UBAP2L: variants seen among roughly 807,000 people sequenced by gnomAD.
UBAP2L encodes ubiquitin associated protein 2 like.
In UBAP2L, 12 loss-of-function variants were observed where a neutral mutation model predicts 130.6. The ratio of observed to expected loss-of-function variants is 0.09; its 90% CI spans 0.06 to 0.15. The LOEUF (loss-of-function observed/expected upper bound fraction) is 0.15. Ranked by LOEUF, UBAP2L falls within the 10% of genes least tolerant of loss-of-function variation. The pLI is 1.00. For missense variants in UBAP2L, 965 were observed against 1,332.5 expected, an observed-to-expected ratio of 0.72 and a Z score of 4.29; for synonymous variants, 503 against 524.7, an observed-to-expected ratio of 0.96 and a Z score of 0.57.
In UBAP2L at chr1:154,227,254, G is replaced by A. The variant is rs1418980289; in HGVS notation, c.91-28G>A. ...CTCTAAACTGTTGCCTCATGATTAT[G>A]CTTTCTTGATCTCATCTCAATTCCT... On this transcript the variant is annotated intron_variant, in intron 2 of 26. Coordinates refer to ENST00000428931, the MANE Select transcript of UBAP2L (RefSeq NM_014847.4). 4 of 1,596,986 alleles carry A rather than the reference G, an allele frequency of 2.5e-6. No homozygotes were observed. In the South Asian group the frequency reaches 3.3e-5, roughly 13 times the overall value.
intron 4 of UBAP2L, 38 bp from the exon 5 acceptor site, chr1:154,234,553 C>G (rs192836388): frequency 4.3e-6 from 7 of 1,609,308 alleles, no homozygotes. Flanking sequence ...TGATAGCACT[C>G]CATATTGATT....
intron 4 of UBAP2L, among the ~76,000 whole-genome samples, chr1:154,234,364 AAAAT>A (rs1421187476): frequency 6.6e-6 from 1 of 152,006 alleles, no homozygotes; most frequent in Non-Finnish European, 1.5e-5. Context: ...CTCTGTCTCA[AAAAT>A]AAATAAATAA....
chr1:154,249,544 G>A (rs907602220), intron 12 of UBAP2L, 107 bp downstream of exon 12: 5 of 1,365,630 alleles, frequency 3.7e-6, no homozygotes, highest in Admixed American at 2.1e-5. Context: ...AAGAAAAGGG[G>A]CAGCTAGTTG....
intron 8 of UBAP2L, among the ~76,000 whole-genome samples, chr1:154,240,826 T>A (rs1673281449): frequency 6.6e-6 from 1 of 151,378 alleles, no homozygotes; most frequent in South Asian, 2.1e-4. Flanking sequence ...ATAGGTGTAG[T>A]TTGCATGTTA....
At chr1:154,259,857 A>T in intron 21 of UBAP2L, 91 bp from the exon 22 acceptor site, 2 of 1,343,440 alleles carry the variant, frequency 1.5e-6, no homozygotes, top group Non-Finnish European at 1.1e-6. Context: ...CACAACTCTC[A>T]CATTCTTCTG....
In UBAP2L at chr1:154,236,492, GC is replaced by G. The variant is rs1376068483; in HGVS notation, c.545-72del. 4 of 1,544,246 alleles carry G rather than the reference GC, an allele frequency of 2.6e-6. No homozygotes were observed. The African/African-American group carries it at 5.4e-5, about 21-fold the overall frequency. ...TGGGATTACCACCGGGAGCCACTGT[GC>G]CTGCCTGGCAAGGAAGTTTTATATC... On this transcript the variant is annotated intron_variant, in intron 6 of 26. Coordinates refer to ENST00000428931, the MANE Select transcript of UBAP2L (RefSeq NM_014847.4).
Position 154,270,778 on chromosome 1 carries a change from T to TG in UBAP2L, c.*483_*484insG. On this transcript the variant is annotated 3_prime_UTR_variant, in exon 27 of 27. Coordinates refer to ENST00000428931, the MANE Select transcript of UBAP2L (RefSeq NM_014847.4). ...GAAGTGGTTTTTTTTTTGTTTTTTT[T>TG]TTTTTTTTGTACTGTGTCCTCAAAT... The TG allele has an allele frequency of 1.6e-6, 2 of 1,274,568 alleles. No individual in the cohort carries two copies. The highest frequency in any genetic ancestry group is 4.2e-5 in the South Asian group (2 of 47,102). The allele number at this position is 1,274,568 out of a possible 1,614,324, so 79.0% of individuals were successfully genotyped here. A position where few individuals can be genotyped will look rare whatever the true frequency, so the allele number is the denominator to read the frequency against.
In UBAP2L at chr1:154,258,958, A is replaced by G. The variant is rs767837221; in HGVS notation, c.2443-19A>G. The G allele has an allele frequency of 5.6e-6, 9 of 1,611,684 alleles. No homozygotes were observed. Among genetic ancestry groups the G allele is most frequent in the African/African-American group, 1.3e-5 (1 of 74,996 alleles). On this transcript the variant is annotated intron_variant, in intron 20 of 26. Coordinates refer to ENST00000428931, the MANE Select transcript of UBAP2L (RefSeq NM_014847.4). Reference sequence around the variant, plus strand: ...ATCATGACCAGTTCCTGTTATTGCTATATGTCTGTATCTTTCAGCCACAAG... The same window carrying G: ...ATCATGACCAGTTCCTGTTATTGCTGTATGTCTGTATCTTTCAGCCACAAG...
At chr1:154,224,451 G>T (rs532007098) in intron 1 of UBAP2L, among the ~76,000 whole-genome samples, 45 of 152,196 alleles carry the variant, frequency 3.0e-4, no homozygotes, top group African/African-American at 1.1e-3. Context: ...GGGCTAATAC[G>T]TACCCTGTTG....
At chr1:154,268,108 C>T (rs1009993158) in intron 25 of UBAP2L, among the ~76,000 whole-genome samples, 40 of 147,770 alleles carry the variant, frequency 2.7e-4, no homozygotes, top group African/African-American at 1.0e-3. Flanking sequence ...AGGCTGGTCT[C>T]AAACTCCTGA....
chr1:154,256,619 A>G (rs1225875191), intron 18 of UBAP2L, among the ~76,000 whole-genome samples: 1 of 152,220 alleles, frequency 6.6e-6, no homozygotes, highest in Non-Finnish European at 1.5e-5. Flanking sequence ...AGCCTGGGCA[A>G]CAGGATGGGA....
At chr1:154,233,232 C>T (rs1670447220) in intron 4 of UBAP2L, among the ~76,000 whole-genome samples, 2 of 152,028 alleles carry the variant, frequency 1.3e-5, no homozygotes, top group South Asian at 4.1e-4. Context: ...CCAGGCTGTT[C>T]TCAAACTCTT....
intron 1 of UBAP2L, among the ~76,000 whole-genome samples, chr1:154,221,968 C>G (rs1382760926): frequency 1.3e-5 from 2 of 152,114 alleles, no homozygotes; most frequent in East Asian, 3.8e-4. Context: ...TGTGGACAGC[C>G]CTTAAATTGC....
intron 15 of UBAP2L, chr1:154,254,573 G>T: frequency 1.8e-6 from 1 of 544,742 alleles, no homozygotes; most frequent in Non-Finnish European, 3.2e-6. Flanking sequence ...TTTTAGGTTT[G>T]GGGTGTCTTC....
chr1:154,250,460 TG>T lies in UBAP2L; in HGVS notation c.1214-579del, dbSNP rs1677185194. Among the ~76,000 whole-genome samples the T allele has an allele frequency of 2.0e-5, 3 of 152,252 alleles. No homozygotes were observed. The South Asian group carries it at 6.2e-4, about 32-fold the overall frequency. ...CTTAAAGCCAGTTTCCAAGCACCTA[TG>T]GATGTTAAATGAGAACTTGCGGTAC... On this transcript the variant is annotated intron_variant, in intron 12 of 26. Coordinates refer to ENST00000428931, the MANE Select transcript of UBAP2L (RefSeq NM_014847.4).
In UBAP2L at chr1:154,236,627, CT is replaced by C. The variant is rs769540371; in HGVS notation, c.590+17del. The C allele has an allele frequency of 6.2e-6, 10 of 1,613,796 alleles. No individual in the cohort carries two copies. The highest frequency in any genetic ancestry group is 8.5e-6 in the Non-Finnish European group (10 of 1,179,878). ...AAGGAATGGGGTAAGTTTCATTGAT[CT>C]AGTGTCTTAATTTTTTTTCCCTTAA... On this transcript the variant is annotated intron_variant, in intron 7 of 26. Coordinates refer to ENST00000428931, the MANE Select transcript of UBAP2L (RefSeq NM_014847.4).
intron 6 of UBAP2L, among the ~76,000 whole-genome samples, chr1:154,235,747 T>C (rs1429290679): frequency 1.3e-5 from 2 of 152,140 alleles, no homozygotes; most frequent in Non-Finnish European, 2.9e-5. Context: ...TGACCTAAAG[T>C]GATGCGCCCG....
chr1:154,267,660 T>C (rs1232847731), intron 25 of UBAP2L, among the ~76,000 whole-genome samples: 1 of 151,684 alleles, frequency 6.6e-6, no homozygotes, highest in African/African-American at 2.4e-5. Context: ...TTGTATTTTG[T>C]ATTTTTGTTT....
At chr1:154,230,544 C>G (rs1422923408) in intron 4 of UBAP2L, among the ~76,000 whole-genome samples, 2 of 152,056 alleles carry the variant, frequency 1.3e-5, no homozygotes, top group African/African-American at 4.8e-5. Flanking sequence ...TGGGTTTACT[C>G]TAGAATAATT....
Sources: allele counts gnomAD v4.1 joint callset (sites outside exome capture counted in the v4.1 genomes callset), GRCh38; gene constraint gnomAD v4.1.1; transcripts MANE v1.5; gene names NCBI Gene and HGNC (gene_info 2026-07-23, HGNC 2026-07-21).